SEC24C: variants seen among roughly 807,000 people sequenced by gnomAD.
SEC24C encodes the protein protein transport protein Sec24C.
In SEC24C, 22 loss-of-function variants were observed where a neutral mutation model predicts 117.0. That is an observed-to-expected ratio of 0.19 (90% CI 0.13 to 0.27). The LOEUF (loss-of-function observed/expected upper bound fraction) is 0.27, where lower values mean the gene tolerates loss of function less well. Ranked by LOEUF, SEC24C falls within the 10% of genes least tolerant of loss-of-function variation. SEC24C has a pLI of 1.00. For missense variants in SEC24C, 1,155 were observed against 1,375.1 expected, an observed-to-expected ratio of 0.84 and a Z score of 2.53; for synonymous variants, 506 against 529.4, an observed-to-expected ratio of 0.96 and a Z score of 0.61.
intron 3 of SEC24C, among the ~76,000 whole-genome samples, chr10:73,755,327 G>A (rs1032438260): frequency 1.3e-5 from 2 of 152,108 alleles, no homozygotes; most frequent in African/African-American, 4.8e-5. Context: ...CAAGGTTGGC[G>A]TCATTGGTAA....
At chr10:73,753,574 T>G (rs557988475) in intron 3 of SEC24C, among the ~76,000 whole-genome samples, 1 of 152,226 alleles carries the variant, frequency 6.6e-6, no homozygotes, top group Admixed American at 6.5e-5. Flanking sequence ...GAGGCTGAAG[T>G]GGAGGTATCG....
At position 73,765,832 on chromosome 10, in the gene SEC24C, A is replaced by G; in HGVS notation, c.1399A>G (p.Thr467Ala). 1.2e-6 allele frequency: 2 copies of G among 1,614,100 alleles called. No individual in the cohort carries two copies. Among genetic ancestry groups the G allele is most frequent in the Non-Finnish European group, 1.7e-6 (2 of 1,180,004 alleles). Residue 467 changes from threonine to alanine, a missense_variant, in exon 10 of 23, where the codon ACC becomes GCC. Thr to Ala is a moderately conservative substitution (Grantham distance 58, BLOSUM62 0). Coordinates refer to ENST00000345254, the MANE Select transcript of SEC24C (RefSeq NM_198597.3). ...CCAGTATTTTCAGCACCTGGATCAT[A>G]CCGGCAAACGTGTGGATGCTTATGA... ...PPQYFQHLDH[T>A]GKRVDAYDRP... is the part of the protein sequence containing the mutation.
chr10:73,746,910 C>A lies in SEC24C; in HGVS notation c.78C>A (p.Ser26=), dbSNP rs771326134. The A allele has an allele frequency of 1.3e-5, 21 of 1,613,924 alleles. No individual in the cohort carries two copies. Among genetic ancestry groups the A allele is most frequent in the Non-Finnish European group, 1.6e-5 (19 of 1,179,970 alleles). ...PQPIYPGYHQ[S]SYGGQSGSTA... is the part of the protein sequence containing the mutation. Reference sequence around the variant, plus strand: ...CCATCTACCCAGGGTATCATCAGTCCAGCTATGGTGGGCAATCAGGGTCCA... The same window carrying A: ...CCATCTACCCAGGGTATCATCAGTCAAGCTATGGTGGGCAATCAGGGTCCA... Residue 26 remains serine, a synonymous_variant, in exon 2 of 23, where the codon TCC becomes TCA. Coordinates refer to ENST00000345254, the MANE Select transcript of SEC24C (RefSeq NM_198597.3).
At chr10:73,745,306 G>C (rs1175199828) in intron 1 of SEC24C, among the ~76,000 whole-genome samples, 1 of 151,904 alleles carries the variant, frequency 6.6e-6, no homozygotes, top group Non-Finnish European at 1.5e-5. Context: ...TAATTTTGAT[G>C]GTGGCTGAGA....
At chr10:73,760,981 T>C (rs1403223022) in intron 6 of SEC24C, 132 bp downstream of exon 6, 4 of 1,075,734 alleles carry the variant, frequency 3.7e-6, no homozygotes, top group East Asian at 5.2e-5. Context: ...AGAACTTACA[T>C]ATAATTTGAT....
intron 6 of SEC24C, among the ~76,000 whole-genome samples, chr10:73,763,116 G>C (rs1190541817): frequency 3.9e-5 from 6 of 152,150 alleles, no homozygotes; most frequent in Non-Finnish European, 5.9e-5. Flanking sequence ...ATCGGGGAAG[G>C]CATGATGGGG....
chr10:73,744,489 G>A (rs1419524948), intron 1 of SEC24C, 52 bp downstream of exon 1: 1 of 153,000 alleles, frequency 6.5e-6, no homozygotes, highest in Non-Finnish European at 1.5e-5. Context: ...GGAGAGGTCA[G>A]GGTATTACTG....
At chr10:73,751,012 A>G in intron 2 of SEC24C, 96 bp from the exon 3 acceptor site, 1 of 1,356,468 alleles carries the variant, frequency 7.4e-7, no homozygotes, top group Non-Finnish European at 1.0e-6. Flanking sequence ...TGGGCCAGTG[A>G]AGGTCTGAGT....
At chr10:73,760,977 T>TA (rs2082788585) in intron 6 of SEC24C, 128 bp downstream of exon 6, 1 of 1,107,828 alleles carries the variant, frequency 9.0e-7, no homozygotes, top group Non-Finnish European at 1.3e-6. Flanking sequence ...TTGGAGAACT[T>TA]ACATATAATT....
At position 73,744,401 on chromosome 10, in the gene SEC24C, A is replaced by T. The variant is rs1422748454; in HGVS notation, c.-65A>T. 1 of 152,754 alleles carries T rather than the reference A, an allele frequency of 6.5e-6. No individual in the cohort carries two copies. The highest frequency in any genetic ancestry group is 6.5e-5 in the Admixed American group (1 of 15,272). 9.5% of individuals were successfully genotyped at this position (152,754 alleles called of 1,614,324 possible). A position where few individuals can be genotyped will look rare whatever the true frequency, so the allele number is the denominator to read the frequency against. ...CCGGAAGTGGAGCCTGGGAGCCTTG[A>T]CGTTAGGAACGAAGTCTAACCTGGA... is the stretch of plus-strand genomic sequence containing the variant. On this transcript the variant is annotated 5_prime_UTR_variant, in exon 1 of 23. Transcript: ENST00000345254.
At position 73,746,791 on chromosome 10, in the gene SEC24C, CCTCT is replaced by C. The variant is rs1565032684; in HGVS notation, c.-28-8_-28-5del. Reference sequence around the variant, plus strand: ...AGAAAGTTCATTTTGACTAATTTCTCCTCTCTCTCACAGGTGAGATCAAATTGGG... The same window carrying C: ...AGAAAGTTCATTTTGACTAATTTCTCCTCTCACAGGTGAGATCAAATTGGG... On this transcript the variant is annotated splice_polypyrimidine_tract_variant and intron_variant, in intron 1 of 22. Coordinates refer to ENST00000345254, the MANE Select transcript of SEC24C (RefSeq NM_198597.3). 6.5e-7 allele frequency: 1 copy of C among 1,540,108 alleles called. No individual in the cohort carries two copies. The highest frequency in any genetic ancestry group is 1.9e-5 in the Admixed American group (1 of 53,156).
chr10:73,767,526 G>A (rs1413077352), intron 14 of SEC24C, among the ~76,000 whole-genome samples: 1 of 152,024 alleles, frequency 6.6e-6, no homozygotes, highest in Non-Finnish European at 1.5e-5. Context: ...AAATTAGCCA[G>A]GTGTGGTGGC....
chr10:73,763,296 G>A (rs1411797018), intron 6 of SEC24C, among the ~76,000 whole-genome samples, 194 bp from the exon 7 acceptor site: 2 of 152,186 alleles, frequency 1.3e-5, no homozygotes, highest in African/African-American at 4.8e-5. Flanking sequence ...TGAAAGATTG[G>A]CTGCTGTAGA....
intron 1 of SEC24C, among the ~76,000 whole-genome samples, chr10:73,746,180 A>AAAC (rs2082549891): frequency 6.6e-6 from 1 of 151,698 alleles, no homozygotes; most frequent in Non-Finnish European, 1.5e-5. Flanking sequence ...AAAAAAAAAA[A>AAAC]AACCTTCAGT....
Position 73,770,130 on chromosome 10 carries a change from A to G in SEC24C, c.2862+115A>G, listed in dbSNP as rs1041483280. 40 of 1,257,052 alleles carry G rather than the reference A, an allele frequency of 3.2e-5. 1 individual carries two copies. The Admixed American group carries it at 8.2e-4, about 26-fold the overall frequency. 77.9% of individuals were successfully genotyped at this position (1,257,052 alleles called of 1,614,324 possible). On this transcript the variant is annotated intron_variant, in intron 20 of 22. Transcript: ENST00000345254. The stretch of plus-strand genomic sequence containing the variant: ...AGTGGAATTTGTTTTTATGTATTTT[A>G]GCTGATGTAATTTTCACACTGAGAG...
Position 73,769,484 on chromosome 10 carries a change from T to C in SEC24C, c.2562T>C (p.Phe854=), listed in dbSNP as rs999124469. 6 of 1,614,022 alleles carry C rather than the reference T, an allele frequency of 3.7e-6. No individual in the cohort carries two copies. Among genetic ancestry groups the C allele is most frequent in the East Asian group, 2.2e-5 (1 of 44,876 alleles). The stretch of plus-strand genomic sequence containing the variant: ...CGCTCATCAACTACATGGCCAAGTT[T>C]GGTGAGGGTAGAAGCAGGGCAGGGT... The part of the protein sequence containing the change: ...TDTLINYMAK[F]AYRGVLNSPV... Residue 854 remains phenylalanine, a splice_region_variant and synonymous_variant, in exon 18 of 23, where the codon TTT becomes TTC. Coordinates refer to ENST00000345254, the MANE Select transcript of SEC24C (RefSeq NM_198597.3). The surrounding 1 kb of genome is among the most constrained non-coding windows in gnomAD (Gnocchi z 4.5).
intron 1 of SEC24C, among the ~76,000 whole-genome samples, chr10:73,745,711 G>A (rs1161105684): frequency 2.0e-5 from 3 of 150,820 alleles, no homozygotes; most frequent in East Asian, 2.1e-4. Flanking sequence ...CACCATGCCC[G>A]GCTAGTTTTT....
rs2082559964 is a variant in SEC24C at position 73,746,790 on chromosome 10, T to G, written c.-28-15T>G. On this transcript the variant is annotated splice_polypyrimidine_tract_variant and intron_variant, in intron 1 of 22. Transcript: ENST00000345254. ...TAGAAAGTTCATTTTGACTAATTTC[T>G]CCTCTCTCTCACAGGTGAGATCAAA... 1.9e-6 allele frequency: 3 copies of G among 1,539,568 alleles called. No homozygotes were observed. The highest frequency in any genetic ancestry group is 1.9e-5 in the Admixed American group (1 of 53,004).
chr10:73,744,694 A>C (rs1419935651), intron 1 of SEC24C, among the ~76,000 whole-genome samples: 4 of 152,100 alleles, frequency 2.6e-5, no homozygotes, highest in African/African-American at 9.7e-5. Context: ...TGTGCTTAAC[A>C]GAGCAGCCCC....
Sources: allele counts gnomAD v4.1 joint callset (sites outside exome capture counted in the v4.1 genomes callset), GRCh38; gene constraint gnomAD v4.1.1; non-coding constraint Gnocchi (gnomAD v3.1); transcripts MANE v1.5; gene names NCBI Gene and HGNC (gene_info 2026-07-23, HGNC 2026-07-21).